Variants in EGFR observed in about 807,000 individuals in gnomAD.
EGFR encodes the protein epidermal growth factor receptor.
EGFR carries 58 observed loss-of-function variants against 143.0 expected under a neutral mutation model. That is an observed-to-expected ratio of 0.41 (90% CI 0.33 to 0.50). EGFR has a LOEUF of 0.50. Among genes scored for constraint, EGFR ranks in the 20% least tolerant of loss-of-function variants. The pLI is 0.39. For missense variants in EGFR, 1,307 were observed against 1,579.0 expected, an observed-to-expected ratio of 0.83 and a Z score of 2.92; for synonymous variants, 613 against 594.4, an observed-to-expected ratio of 1.03 and a Z score of -0.45.
intron 1 of EGFR, among the ~76,000 whole-genome samples, chr7:55,053,876 T>C (rs932151024): frequency 2.0e-5 from 3 of 152,364 alleles, no homozygotes; most frequent in Admixed American, 1.3e-4. Context: ...TCTTAGCCAA[T>C]CTGCTTCGCG....
At chr7:55,171,761 C>A (rs545865116) in intron 16 of EGFR, among the ~76,000 whole-genome samples, 1 of 152,334 alleles carries the variant, frequency 6.6e-6, no homozygotes, top group South Asian at 2.1e-4. Flanking sequence ...CTTATTCAAA[C>A]TCACCAGGAA....
intron 1 of EGFR, among the ~76,000 whole-genome samples, chr7:55,133,793 C>T (rs550840730): frequency 7.9e-5 from 12 of 152,316 alleles, no homozygotes; most frequent in African/African-American, 2.2e-4. Context: ...AGGAGCCACA[C>T]GGCCCTGAAG....
intron 1 of EGFR, among the ~76,000 whole-genome samples, chr7:55,103,991 G>A (rs969690037): frequency 1.3e-5 from 2 of 152,176 alleles, no homozygotes; most frequent in Non-Finnish European, 2.9e-5. Flanking sequence ...AAGGGTAGAA[G>A]TTCCTGTGCT....
intron 1 of EGFR, among the ~76,000 whole-genome samples, chr7:55,036,237 G>C (rs1203708837): frequency 1.7e-5 from 2 of 115,470 alleles, no homozygotes; most frequent in Non-Finnish European, 3.2e-5. Context: ...TTTATATTCT[G>C]TTCAGATCAC....
chr7:55,113,776 C>G (rs1041131616), intron 1 of EGFR, among the ~76,000 whole-genome samples: 12 of 152,194 alleles, frequency 7.9e-5, no homozygotes, highest in Non-Finnish European at 2.9e-5. Context: ...TGATAAGAAG[C>G]AGGGCTGTGT....
At chr7:55,100,399 T>C (rs1242422014) in intron 1 of EGFR, among the ~76,000 whole-genome samples, 1 of 152,232 alleles carries the variant, frequency 6.6e-6, no homozygotes, top group African/African-American at 2.4e-5. Context: ...TAAACAGTTG[T>C]ATTAATTACA....
chr7:55,157,275 C>G (rs1488294435), intron 10 of EGFR, among the ~76,000 whole-genome samples: 1 of 152,244 alleles, frequency 6.6e-6, no homozygotes, highest in East Asian at 1.9e-4. Flanking sequence ...AATAACAAGA[C>G]TGTTTTAAGG....
In EGFR at chr7:55,202,955, ATG is replaced by A. The variant is rs781375022; in HGVS notation, c.3271+338_3271+339del. ...TACATCTGTGTATGTGTGTGTGTGT[ATG>A]TGTGTGTTTGTGACAGATTTGATCC... On this transcript the variant is annotated intron_variant, in intron 27 of 27. Transcript: ENST00000275493. The A allele has an allele frequency of 9.9e-5, 56 of 568,208 alleles. 1 individual carries two copies. In the Middle Eastern group the frequency reaches 3.2e-3, roughly 32 times the overall value. The allele number at this position is 568,208 out of a possible 1,614,324, so 35.2% of individuals were successfully genotyped here. A position where few individuals can be genotyped will look rare whatever the true frequency, so the allele number is the denominator to read the frequency against.
intron 1 of EGFR, among the ~76,000 whole-genome samples, chr7:55,074,163 C>A (rs1042608250): frequency 6.6e-6 from 1 of 152,210 alleles, no homozygotes; most frequent in Non-Finnish European, 1.5e-5. Flanking sequence ...CGCTATTAAC[C>A]TTGTGAGAAA....
In EGFR at chr7:55,159,365, G is replaced by A. The variant is rs189921698; in HGVS notation, c.1299-774G>A. The stretch of plus-strand genomic sequence containing the variant: ...CACCGCGTGCTTTCCTGCTCCTCCA[G>A]GTGGCTGAGGACATCCCCCCTTCGG... On this transcript the variant is annotated intron_variant, in intron 11 of 27. Transcript: ENST00000275493. Among the ~76,000 whole-genome samples, 8 of 145,698 alleles carry A rather than the reference G, an allele frequency of 5.5e-5. No individual in the cohort carries two copies. In the East Asian group the frequency reaches 7.2e-4, roughly 13 times the overall value.
At chr7:55,065,754 T>C (rs1452493515) in intron 1 of EGFR, among the ~76,000 whole-genome samples, 3 of 151,834 alleles carry the variant, frequency 2.0e-5, no homozygotes, top group Non-Finnish European at 4.4e-5. Flanking sequence ...CTTTCCCTCT[T>C]CACTAACATG....
chr7:55,174,299 G>A (rs1446213780), intron 18 of EGFR, among the ~76,000 whole-genome samples: 1 of 152,232 alleles, frequency 6.6e-6, no homozygotes, highest in Non-Finnish European at 1.5e-5. Flanking sequence ...CTTGCCATGG[G>A]GTGCAGCACA....
chr7:55,137,656 CT>C, intron 1 of EGFR, among the ~76,000 whole-genome samples: 1 of 152,300 alleles, frequency 6.6e-6, no homozygotes, highest in Non-Finnish European at 1.5e-5. Flanking sequence ...GAACCTGCCC[CT>C]GACAGCCAAG....
At chr7:55,158,771 C>A (rs186697260) in intron 11 of EGFR, among the ~76,000 whole-genome samples, 1 of 152,196 alleles carries the variant, frequency 6.6e-6, no homozygotes, top group East Asian at 1.9e-4. Context: ...CCCAGACCTG[C>A]CCTGCAAGGA....
rs1785920926 is a variant in EGFR at position 55,165,382 on chromosome 7, A to G, written c.1825A>G (p.Lys609Glu). The G allele has an allele frequency of 6.2e-7, 1 of 1,614,064 alleles. No individual in the cohort carries two copies. Among genetic ancestry groups the G allele is most frequent in the Non-Finnish European group, 8.5e-7 (1 of 1,180,042 alleles). Residue 609 changes from lysine to glutamate, a missense_variant, in exon 15 of 28, where the codon AAG becomes GAG. Around this residue, in one of 7 missense-constraint regions of EGFR, gnomAD observed 250 missense variants for 295.1 expected, o/e 0.85. Coordinates refer to ENST00000275493, the MANE Select transcript of EGFR (RefSeq NM_005228.5). ...GGGAGAAAACAACACCCTGGTCTGGAAGTACGCAGACGCCGGCCATGTGTG... is the reference window on the plus strand; with the variant it reads ...GGGAGAAAACAACACCCTGGTCTGGGAGTACGCAGACGCCGGCCATGTGTG... ...VMGENNTLVWKYADAGHVCHL... is the reference protein window; with the variant it reads ...VMGENNTLVWEYADAGHVCHL...
chr7:55,202,848 A>G (rs1787914013), intron 27 of EGFR: 1 of 681,118 alleles, frequency 1.5e-6, no homozygotes. Flanking sequence ...CCTCTGTTGT[A>G]AGAATGAATC....
At chr7:55,069,739 A>T (rs1789712967) in intron 1 of EGFR, among the ~76,000 whole-genome samples, 1 of 152,238 alleles carries the variant, frequency 6.6e-6, no homozygotes, top group Admixed American at 6.5e-5. Flanking sequence ...CAGGGCTGGT[A>T]GATGCAGTGA....
intron 5 of EGFR, 139 bp from the exon 6 acceptor site, chr7:55,152,407 C>T: frequency 1.2e-6 from 1 of 827,378 alleles, no homozygotes; most frequent in Non-Finnish European, 2.2e-6. Context: ...CATGGTTTGA[C>T]TTAGTTTGAA....
At chr7:55,102,983 G>T (rs1413911099) in intron 1 of EGFR, among the ~76,000 whole-genome samples, 2 of 152,210 alleles carry the variant, frequency 1.3e-5, no homozygotes, top group Non-Finnish European at 2.9e-5. Flanking sequence ...TTTGACTTCT[G>T]TAGATTTTAA....
Sources: gnomAD v4.1 joint callset for allele counts (sites outside exome capture counted in the v4.1 genomes callset) on GRCh38, gnomAD v4.1.1 for gene constraint, gnomAD v4.1.1 regional missense constraint, MANE v1.5 for transcripts, NCBI Gene and HGNC (gene_info 2026-07-23, HGNC 2026-07-21) for gene names.